The following CAMSAP1 variants were observed in gnomAD, a reference collection of about 807,000 sequenced individuals.
CAMSAP1 encodes the protein calmodulin regulated spectrin associated protein 1, also known as calmodulin-regulated spectrin-associated protein 1.
CAMSAP1 carries 58 observed loss-of-function variants against 143.5 expected under a neutral mutation model. The observed-to-expected ratio is 0.40, with a 90% confidence interval of 0.33 to 0.50. The LOEUF is 0.50. CAMSAP1 is among the 20% of genes least tolerant of loss of function. The pLI is 0.45. For synonymous variants in CAMSAP1, 945 were observed against 859.3 expected, an observed-to-expected ratio of 1.10 and a Z score of -1.74; for missense variants, 1,969 against 2,115.7, an observed-to-expected ratio of 0.93 and a Z score of 1.36.
chr9:135,879,368 G>C (rs1036537714), intron 3 of CAMSAP1, among the ~76,000 whole-genome samples: 1 of 152,048 alleles, frequency 6.6e-6, no homozygotes, highest in Non-Finnish European at 1.5e-5. Flanking sequence ...AATGAGAAAC[G>C]TGACCAAGCA....
intron 7 of CAMSAP1, among the ~76,000 whole-genome samples, chr9:135,831,712 G>A (rs527305233): frequency 6.6e-6 from 1 of 151,796 alleles, no homozygotes; most frequent in African/African-American, 2.4e-5. Flanking sequence ...AGATAAAATC[G>A]ACAAACTAAT....
intron 3 of CAMSAP1, 37 bp downstream of exon 3, chr9:135,881,596 A>G: frequency 6.5e-7 from 1 of 1,549,366 alleles, no homozygotes; most frequent in South Asian, 1.2e-5. Flanking sequence ...CGGCCACAGA[A>G]GCAGAGTCAC....
At chr9:135,903,431 G>C (rs939860564) in intron 1 of CAMSAP1, among the ~76,000 whole-genome samples, 2 of 152,228 alleles carry the variant, frequency 1.3e-5, no homozygotes, top group African/African-American at 4.8e-5. Flanking sequence ...CACAATTCTT[G>C]GCTGTGGCCC....
At chr9:135,881,227 C>A (rs1384809283) in intron 3 of CAMSAP1, among the ~76,000 whole-genome samples, 1 of 151,820 alleles carries the variant, frequency 6.6e-6, no homozygotes, top group Non-Finnish European at 1.5e-5. Context: ...CATAGTAGCA[C>A]GTGCCTGTGA....
intron 7 of CAMSAP1, among the ~76,000 whole-genome samples, chr9:135,834,123 C>A (rs1381908498): frequency 6.6e-6 from 1 of 152,070 alleles, no homozygotes; most frequent in Non-Finnish European, 1.5e-5. Context: ...ACACACCTGT[C>A]AGGATGGCTA....
chr9:135,875,050 T>C (rs1336342394), intron 3 of CAMSAP1, among the ~76,000 whole-genome samples: 2 of 152,190 alleles, frequency 1.3e-5, no homozygotes, highest in African/African-American at 4.8e-5. Context: ...AGCATGTCTG[T>C]GGGCTGGAAT....
At chr9:135,891,210 C>A (rs1286365427) in intron 1 of CAMSAP1, among the ~76,000 whole-genome samples, 1 of 152,212 alleles carries the variant, frequency 6.6e-6, no homozygotes, top group Non-Finnish European at 1.5e-5. Flanking sequence ...CCCAGCCTGA[C>A]CCAGCTGGCT....
At chr9:135,867,145 T>C (rs1837404092) in intron 3 of CAMSAP1, among the ~76,000 whole-genome samples, 1 of 152,002 alleles carries the variant, frequency 6.6e-6, no homozygotes, top group African/African-American at 2.4e-5. Context: ...AAAGCCATGA[T>C]CAGACAAAAA....
chr9:135,849,446 G>A (rs1050409523), intron 7 of CAMSAP1, among the ~76,000 whole-genome samples: 3 of 152,190 alleles, frequency 2.0e-5, no homozygotes, highest in African/African-American at 7.2e-5. Context: ...CTGAGGCCAA[G>A]CAGCTTTTCA....
intron 5 of CAMSAP1, among the ~76,000 whole-genome samples, chr9:135,858,253 T>A (rs1837048204): frequency 1.3e-5 from 2 of 152,158 alleles, no homozygotes; most frequent in Admixed American, 1.3e-4. Context: ...CAGTTCCTTA[T>A]TCTCCTTGTT....
chr9:135,850,000 C>T (rs1016780785), intron 7 of CAMSAP1, 137 bp downstream of exon 7: 3 of 633,198 alleles, frequency 4.7e-6, no homozygotes, highest in Non-Finnish European at 5.2e-6. Flanking sequence ...CTCTCACGCC[C>T]GTCCCTGGGA....
In CAMSAP1 at chr9:135,901,239, A is replaced by T. The variant is rs968573668; in HGVS notation, c.160+5761T>A. Among the ~76,000 whole-genome samples, 3 of 152,276 alleles carry T rather than the reference A, an allele frequency of 2.0e-5. No homozygotes were observed. In the East Asian group the frequency reaches 5.8e-4, roughly 29 times the overall value. Reference sequence around the variant, plus strand: ...ACTGTCAATCAGTCCAGCTCCATAGATTCAGCTTGTATATCTGTTGGCTCT... The same window carrying T: ...ACTGTCAATCAGTCCAGCTCCATAGTTTCAGCTTGTATATCTGTTGGCTCT... On this transcript the variant is annotated intron_variant, in intron 1 of 16. Coordinates refer to ENST00000389532, the MANE Select transcript of CAMSAP1 (RefSeq NM_015447.4).
chr9:135,843,873 CAAAAAAAAAAAAA>C (rs150201026), intron 7 of CAMSAP1, among the ~76,000 whole-genome samples: 2 of 63,958 alleles, frequency 3.1e-5, no homozygotes, highest in Admixed American at 1.9e-4. Context: ...GACTCCGTCT[CAAAAAAAAAAAAA>C]AAAAAAAAAA....
At chr9:135,831,609 G>A (rs1439106743) in intron 7 of CAMSAP1, among the ~76,000 whole-genome samples, 1 of 151,964 alleles carries the variant, frequency 6.6e-6, no homozygotes, top group Non-Finnish European at 1.5e-5. Context: ...AAAGTTAGCA[G>A]AAGAAAGGAA....
chr9:135,824,155 G>A lies in CAMSAP1; in HGVS notation c.1316-121C>T, dbSNP rs1303727473. On this transcript the variant is annotated intron_variant, in intron 9 of 16. Coordinates refer to ENST00000389532, the MANE Select transcript of CAMSAP1 (RefSeq NM_015447.4). This position sits in a 1 kb window ranked among gnomAD's most constrained non-coding sequence, Gnocchi z 4.1. ...AGTCAGTACACCAGAAGGGCCGCAT[G>A]GAAAGCAGAGAGGCAAAACCATACA... is the stretch of plus-strand genomic sequence containing the variant. 1.2e-6 allele frequency: 1 copy of A among 805,658 alleles called. No individual in the cohort carries two copies. Among genetic ancestry groups the A allele is most frequent in the African/African-American group, 1.7e-5 (1 of 58,928 alleles). The allele number at this position is 805,658 out of a possible 1,614,324, so 49.9% of individuals were successfully genotyped here. A position where few individuals can be genotyped will look rare whatever the true frequency, so the allele number is the denominator to read the frequency against.
Position 135,821,753 on chromosome 9 carries a change from C to CCCG in CAMSAP1, c.2907_2908insCGG (p.His969_Glu970insArg). On this transcript the variant is annotated inframe_insertion, in exon 11 of 17. Coordinates refer to ENST00000389532, the MANE Select transcript of CAMSAP1 (RefSeq NM_015447.4). The surrounding 1 kb of genome is among the most constrained non-coding windows in gnomAD (Gnocchi z 4.6). ...CTCTCTTTGTCCACATCCTGTGGCT[C>CCCG]GTGAAGGAGCTCCTCTCTCTGCTCC... 6.2e-7 allele frequency: 1 copy of CCCG among 1,613,814 alleles called. No individual in the cohort carries two copies. Among genetic ancestry groups the CCCG allele is most frequent in the Admixed American group, 1.7e-5 (1 of 60,022 alleles).
At chr9:135,855,908 C>T (rs1564442725) in intron 5 of CAMSAP1, among the ~76,000 whole-genome samples, 5 of 152,030 alleles carry the variant, frequency 3.3e-5, no homozygotes, top group East Asian at 1.9e-4. Context: ...AAAAATTAGC[C>T]GGGCGCGGTG....
At chr9:135,902,009 T>C (rs1838633006) in intron 1 of CAMSAP1, among the ~76,000 whole-genome samples, 1 of 152,206 alleles carries the variant, frequency 6.6e-6, no homozygotes, top group East Asian at 1.9e-4. Context: ...TTGAGCACTC[T>C]GTACTGTGGA....
At chr9:135,890,207 G>A (rs1166125611) in intron 1 of CAMSAP1, among the ~76,000 whole-genome samples, 2 of 151,952 alleles carry the variant, frequency 1.3e-5, no homozygotes, top group African/African-American at 4.8e-5. Context: ...TCACACCTGT[G>A]GAATGCTCCA....
Sources: allele counts gnomAD v4.1 joint callset (sites outside exome capture counted in the v4.1 genomes callset), GRCh38; gene constraint gnomAD v4.1.1; non-coding constraint Gnocchi (gnomAD v3.1); transcripts MANE v1.5; gene names NCBI Gene and HGNC (gene_info 2026-07-23, HGNC 2026-07-21).